The following DOK6 variants were observed in gnomAD, a reference collection of about 807,000 sequenced individuals.
DOK6 encodes the protein docking protein 6.
In DOK6, 22 loss-of-function variants were observed where a neutral mutation model predicts 44.0. The ratio of observed to expected loss-of-function variants is 0.50; its 90% CI spans 0.36 to 0.71. The LOEUF (loss-of-function observed/expected upper bound fraction) is 0.71, where lower values mean the gene tolerates loss of function less well. DOK6 is among the 30% of genes least tolerant of loss of function. The pLI is 0.00. For missense variants in DOK6, 340 were observed against 416.4 expected (o/e 0.82, Z 1.60); for synonymous variants, 166 against 145.5 (o/e 1.14, Z -1.01).
intron 1 of DOK6, among the ~76,000 whole-genome samples, chr18:69,448,985 A>C (rs1397275587): frequency 2.0e-5 from 3 of 152,226 alleles, no homozygotes; most frequent in Admixed American, 2.0e-4. Flanking sequence ...ATACTTTGAA[A>C]GTACAAAGAA....
At chr18:69,813,522 A>G (rs142209752) in intron 7 of DOK6, among the ~76,000 whole-genome samples, 5 of 152,120 alleles carry the variant, frequency 3.3e-5, no homozygotes, top group African/African-American at 7.2e-5. Context: ...ACAAGAAATA[A>G]ATAAATTAGG....
At chr18:69,709,148 G>A (rs1986702489) in intron 5 of DOK6, among the ~76,000 whole-genome samples, 1 of 152,096 alleles carries the variant, frequency 6.6e-6, no homozygotes, top group South Asian at 2.1e-4. Context: ...GCAAGTTCAT[G>A]TGCCCTTCAA....
chr18:69,643,937 G>C (rs1311457178), intron 3 of DOK6: 1 of 152,018 alleles, frequency 6.6e-6, no homozygotes, highest in Non-Finnish European at 1.5e-5. Flanking sequence ...TTTTTAATTT[G>C]GCCATCCGGA....
chr18:69,816,840 G>A (rs144417499), intron 7 of DOK6, among the ~76,000 whole-genome samples: 1 of 152,142 alleles, frequency 6.6e-6, no homozygotes, highest in African/African-American at 2.4e-5. Flanking sequence ...GAGAAGAGAA[G>A]GTCAAAACCA....
At chr18:69,769,976 T>C (rs1028246498) in intron 7 of DOK6, among the ~76,000 whole-genome samples, 2 of 152,160 alleles carry the variant, frequency 1.3e-5, no homozygotes, top group African/African-American at 4.8e-5. Flanking sequence ...TGAAAATTTT[T>C]GTAGGAAGAA....
rs1044967760 is a variant in DOK6, at chr18:69,842,133, T to A, written c.*750T>A. On this transcript the variant is annotated 3_prime_UTR_variant, in exon 8 of 8. Coordinates refer to ENST00000382713, the MANE Select transcript of DOK6 (RefSeq NM_152721.6). ...TTATGTTGAATAGCTATTTTTAAAA[T>A]AGTGCTGTAAAAAAAAAAAAAAAAA... 49 of 77,790 alleles carry A rather than the reference T, an allele frequency of 6.3e-4. 2 individuals are homozygous for A. The highest frequency in any genetic ancestry group is 2.0e-3 in the African/African-American group (47 of 23,216). The allele number at this position is 77,790 out of a possible 1,614,324, so 4.8% of individuals were successfully genotyped here. A position where few individuals can be genotyped will look rare whatever the true frequency, so the allele number is the denominator to read the frequency against.
At chr18:69,807,209 C>T (rs35865337) in intron 7 of DOK6, among the ~76,000 whole-genome samples, 1 of 151,472 alleles carries the variant, frequency 6.6e-6, no homozygotes, top group African/African-American at 2.4e-5. Context: ...AAGCTGTTAT[C>T]AGCTTAAAAT....
chr18:69,826,707 A>C (rs1458058285), intron 7 of DOK6, among the ~76,000 whole-genome samples: 2 of 152,202 alleles, frequency 1.3e-5, no homozygotes, highest in Non-Finnish European at 2.9e-5. Context: ...ACTAACTAGA[A>C]AGTTATTTAG....
chr18:69,627,977 T>C (rs1176488679), intron 3 of DOK6, among the ~76,000 whole-genome samples: 1 of 152,162 alleles, frequency 6.6e-6, no homozygotes, highest in Non-Finnish European at 1.5e-5. Flanking sequence ...AAAGATAAAA[T>C]CCTCATTTTC....
chr18:69,573,973 C>T (rs1045973790), intron 2 of DOK6, among the ~76,000 whole-genome samples: 2 of 152,076 alleles, frequency 1.3e-5, no homozygotes, highest in African/African-American at 4.8e-5. Context: ...AATATATGCA[C>T]TTGTTGAGTG....
At chr18:69,784,632 C>T (rs569637286) in intron 7 of DOK6, among the ~76,000 whole-genome samples, 63 of 152,074 alleles carry the variant, frequency 4.1e-4, no homozygotes, top group Non-Finnish European at 7.2e-4. Flanking sequence ...TTTATTCCAT[C>T]CAAAAAAATT....
chr18:69,467,400 A>C (rs557270806), intron 1 of DOK6, among the ~76,000 whole-genome samples: 1 of 152,288 alleles, frequency 6.6e-6, no homozygotes, highest in African/African-American at 2.4e-5. Flanking sequence ...ATTTTGAATC[A>C]GGAACATGAG....
At chr18:69,719,998 T>A (rs537718709) in intron 5 of DOK6, among the ~76,000 whole-genome samples, 1 of 152,164 alleles carries the variant, frequency 6.6e-6, no homozygotes, top group East Asian at 1.9e-4. Flanking sequence ...GAGACCACCC[T>A]GGGCTACATG....
intron 1 of DOK6, among the ~76,000 whole-genome samples, chr18:69,533,434 A>G (rs1248099695): frequency 6.6e-6 from 1 of 152,140 alleles, no homozygotes; most frequent in Non-Finnish European, 1.5e-5. Flanking sequence ...TTCTCTTCAA[A>G]TTAAATAAAA....
chr18:69,512,336 T>TC (rs1981394442), intron 1 of DOK6, among the ~76,000 whole-genome samples: 11 of 105,192 alleles, frequency 1.0e-4, no homozygotes, highest in Admixed American at 8.3e-4. Flanking sequence ...CTTCTTCTTT[T>TC]TTTTTTTTTT....
intron 1 of DOK6, among the ~76,000 whole-genome samples, chr18:69,495,176 C>T (rs147053565): frequency 2.6e-3 from 393 of 152,330 alleles, no homozygotes; most frequent in African/African-American, 8.8e-3. Flanking sequence ...CAGTGGAAGC[C>T]TGGGGACTCC....
intron 1 of DOK6, among the ~76,000 whole-genome samples, chr18:69,492,671 T>G (rs1236210971): frequency 3.3e-5 from 5 of 151,824 alleles, no homozygotes; most frequent in African/African-American, 1.2e-4. Context: ...CAGAATTTTG[T>G]TTTCTGTTCA....
intron 1 of DOK6, among the ~76,000 whole-genome samples, chr18:69,514,963 T>C (rs12969411): frequency 0.16 from 24,651 of 152,060 alleles, 2,255 homozygotes; most frequent in Non-Finnish European, 0.2. Flanking sequence ...GTTAATCAGA[T>C]GACACAGTGG....
chr18:69,751,145 T>A (rs1979163927), intron 6 of DOK6, among the ~76,000 whole-genome samples: 1 of 152,176 alleles, frequency 6.6e-6, no homozygotes, highest in African/African-American at 2.4e-5. Flanking sequence ...GGTAAAAGTC[T>A]CAGGCAGGAA....
Sources: gnomAD v4.1 joint callset for allele counts (sites outside exome capture counted in the v4.1 genomes callset) on GRCh38, gnomAD v4.1.1 for gene constraint, MANE v1.5 for transcripts, NCBI Gene and HGNC (gene_info 2026-07-23, HGNC 2026-07-21) for gene names.